Variants in LDHA observed in about 807,000 individuals in gnomAD.
LDHA encodes the protein lactate dehydrogenase A.
Under a neutral mutation model 36.3 loss-of-function variants are expected in LDHA, and 10 were observed. The observed-to-expected ratio is 0.28, with a 90% CI of 0.17 to 0.47. The LOEUF (loss-of-function observed/expected upper bound fraction) is 0.47. LDHA is among the 20% of genes least tolerant of loss of function. The pLI is 0.99. For missense variants in LDHA, 267 were observed against 405.8 expected, an observed-to-expected ratio of 0.66 and a Z score of 2.94; for synonymous variants, 110 against 136.7, an observed-to-expected ratio of 0.80 and a Z score of 1.36.
intron 7 of LDHA, among the ~76,000 whole-genome samples, chr11:18,406,235 A>G (rs1021122576): frequency 2.0e-5 from 3 of 151,908 alleles, no homozygotes; most frequent in African/African-American, 7.3e-5. Flanking sequence ...GAATGCTGGG[A>G]TTGCAGGTGT....
chr11:18,400,741 GA>G, intron 3 of LDHA, 95 bp from the exon 4 acceptor site: 1 of 853,288 alleles, frequency 1.2e-6, no homozygotes, highest in South Asian at 1.4e-5. Context: ...CTAAGAACAA[GA>G]AAGGTTTGTG....
At chr11:18,403,438 A>G (rs1866570081) in intron 5 of LDHA, among the ~76,000 whole-genome samples, 1 of 152,226 alleles carries the variant, frequency 6.6e-6, no homozygotes, top group Non-Finnish European at 1.5e-5. Flanking sequence ...TACTATCTTT[A>G]TATTTCAAAT....
chr11:18,395,044 T>G, intron 1 of LDHA: 1 of 198,196 alleles, frequency 5.0e-6, no homozygotes, highest in Non-Finnish European at 1.1e-5. Flanking sequence ...AAGCCTCAGC[T>G]TGTCCGGGGC....
chr11:18,405,686 T>G, intron 7 of LDHA, 114 bp downstream of exon 7: 2 of 1,188,532 alleles, frequency 1.7e-6, no homozygotes, highest in Non-Finnish European at 2.5e-6. Flanking sequence ...GTGAAATAAA[T>G]TAATGTACCC....
At chr11:18,399,905 A>G (rs1969562) in intron 3 of LDHA, 146,517 of 218,056 alleles carry the variant, frequency 0.67, 50,695 homozygotes, top group South Asian at 0.76. Context: ...TTAGACTTAA[A>G]TGTTTTATCA....
intron 1 of LDHA, among the ~76,000 whole-genome samples, chr11:18,396,098 T>C (rs1866284175): frequency 6.6e-6 from 1 of 152,268 alleles, no homozygotes; most frequent in African/African-American, 2.4e-5. Context: ...CTGAGCTGCA[T>C]AGCTCCAGAT....
chr11:18,402,552 C>G (rs1866544411), intron 4 of LDHA: 1 of 360,138 alleles, frequency 2.8e-6, no homozygotes, highest in Admixed American at 3.9e-5. Flanking sequence ...CCCACCTCAG[C>G]CTCCCAAAGT....
chr11:18,396,441 G>A lies in LDHA; in HGVS notation c.-24-378G>A, dbSNP rs543821382. 8 of 456,792 alleles carry A rather than the reference G, an allele frequency of 1.8e-5. No homozygotes were observed. The South Asian group carries it at 7.2e-4, about 41-fold the overall frequency. 28.3% of individuals were successfully genotyped at this position (456,792 alleles called of 1,614,324 possible). On this transcript the variant is annotated intron_variant, in intron 1 of 7. Coordinates refer to ENST00000422447, the MANE Select transcript of LDHA (RefSeq NM_005566.4). Reference sequence around the variant, plus strand: ...TAATGGCTTTTCTGCACGTATCTCTGGTGTTTACTTGAGAAGCCTGGCTGT... The same window carrying A: ...TAATGGCTTTTCTGCACGTATCTCTAGTGTTTACTTGAGAAGCCTGGCTGT...
intron 1 of LDHA, chr11:18,395,251 C>T (rs1436264287): frequency 1.3e-5 from 2 of 156,280 alleles, no homozygotes; most frequent in Non-Finnish European, 2.9e-5. Flanking sequence ...AGGCAGCATC[C>T]CAGCCCTTCC....
intron 7 of LDHA, among the ~76,000 whole-genome samples, chr11:18,406,448 G>GCAGCTGAT (rs1194330134): frequency 6.8e-6 from 1 of 146,046 alleles, no homozygotes; most frequent in East Asian, 2.1e-4. Context: ...CCATGTGCGG[G>GCAGCTGAT]CAGCTGATGC....
Position 18,402,893 on chromosome 11 carries a change from G to C in LDHA, c.472G>C (p.Val158Leu). Residue 158 changes from valine to leucine, a missense_variant, in exon 5 of 8, where the codon GTT becomes CTT. Transcript: ENST00000422447. ...WKISGFPKNR[V>L]IGSGCNLDSA... ...GATAAGTGGTTTTCCCAAAAACCGT[G>C]TTATTGGAAGCGGTTGCAATCTGGA... The C allele has an allele frequency of 6.2e-7, 1 of 1,612,138 alleles. No homozygotes were observed. Among genetic ancestry groups the C allele is most frequent in the Admixed American group, 1.7e-5 (1 of 59,980 alleles).
At chr11:18,396,313 C>T (rs1015948573) in intron 1 of LDHA, 21 of 388,960 alleles carry the variant, frequency 5.4e-5, no homozygotes, top group African/African-American at 3.7e-4. Context: ...AGCAATTAGT[C>T]TGATTTCCGC....
In LDHA at chr11:18,401,042, G is replaced by T. The variant is rs199628855; in HGVS notation, c.418+32G>T. ...CTTTTGACTGCATAAAAATTGACAA[G>T]CTATAGTAAAACTGATAGTATATGA... On this transcript the variant is annotated intron_variant, in intron 4 of 7. Transcript: ENST00000422447. 4.7e-6 allele frequency: 7 copies of T among 1,498,256 alleles called. No homozygotes were observed. The African/African-American group carries it at 8.3e-5, about 18-fold the overall frequency. The allele number at this position is 1,498,256 out of a possible 1,614,324, so 92.8% of individuals were successfully genotyped here. A position where few individuals can be genotyped will look rare whatever the true frequency, so the allele number is the denominator to read the frequency against.
chr11:18,399,840 C>T (rs1866419146), intron 3 of LDHA: 2 of 364,186 alleles, frequency 5.5e-6, no homozygotes, highest in East Asian at 1.2e-4. Context: ...AGTGATCCTC[C>T]CTCCTTAGCC....
At chr11:18,401,152 A>C (rs1284479253) in intron 4 of LDHA, 142 bp downstream of exon 4, 1 of 330,836 alleles carries the variant, frequency 3.0e-6, no homozygotes, top group Non-Finnish European at 4.6e-6. Flanking sequence ...ATTTTAAAAT[A>C]TATATATATA....
chr11:18,401,480 T>TTTTC (rs1412643751), intron 4 of LDHA, among the ~76,000 whole-genome samples: 12 of 90,696 alleles, frequency 1.3e-4, no homozygotes, highest in African/African-American at 4.7e-4. Flanking sequence ...TTTCTTTTTT[T>TTTTC]TTTTTTTTTT....
rs1028348627 is a variant in LDHA at position 18,407,513 on chromosome 11, A to G, written c.*232A>G. 7 of 867,948 alleles carry G rather than the reference A, an allele frequency of 8.1e-6. No homozygotes were observed. The highest frequency in any genetic ancestry group is 2.0e-5 in the Admixed American group (1 of 50,122). 53.8% of individuals were successfully genotyped at this position (867,948 alleles called of 1,614,324 possible). A position where few individuals can be genotyped will look rare whatever the true frequency, so the allele number is the denominator to read the frequency against. ...TGTAGTCTTCAACTGGTTAGTGTGA[A>G]ATAGTTCTGCCACCTCTGACGCACC... On this transcript the variant is annotated 3_prime_UTR_variant, in exon 8 of 8. Coordinates refer to ENST00000422447, the MANE Select transcript of LDHA (RefSeq NM_005566.4).
At chr11:18,396,336 G>A (rs939528444) in intron 1 of LDHA, 4 of 394,774 alleles carry the variant, frequency 1.0e-5, no homozygotes, top group Non-Finnish European at 8.9e-6. Flanking sequence ...ACCTTTCCGA[G>A]CGGGAAGGAG....
At chr11:18,399,925 TC>T (rs1418887339) in intron 3 of LDHA, 4 of 202,206 alleles carry the variant, frequency 2.0e-5, no homozygotes, top group Non-Finnish European at 4.1e-5. Context: ...AGGCTTGAAA[TC>T]CTAGCTCTTT....
Sources: allele counts gnomAD v4.1 joint callset (sites outside exome capture counted in the v4.1 genomes callset), GRCh38; gene constraint gnomAD v4.1.1; transcripts MANE v1.5; gene names NCBI Gene and HGNC (gene_info 2026-07-23, HGNC 2026-07-21).